Variants in XYLB observed in about 807,000 individuals in gnomAD.
The protein encoded by XYLB is xylulose kinase.
A neutral mutation model predicts 78.7 loss-of-function variants in XYLB; 62 were observed. That is an observed-to-expected ratio of 0.79 (90% CI 0.64 to 0.97). The LOEUF (loss-of-function observed/expected upper bound fraction) is 0.97. Among genes scored for constraint, XYLB ranks in the 50% least tolerant of loss-of-function variants. The pLI, the probability that XYLB is intolerant of heterozygous loss-of-function variation, is 0.00. For synonymous variants in XYLB, 245 were observed against 247.4 expected (o/e 0.99, Z 0.09); for missense variants, 687 against 676.8 (o/e 1.02, Z -0.17).
intron 9 of XYLB, 66 bp downstream of exon 9, chr3:38,370,240 GCACACACACA>G (rs3219563): frequency 4.6e-6 from 3 of 647,708 alleles, no homozygotes; most frequent in African/African-American, 1.8e-5. Flanking sequence ...GCACTGTAGC[GCACACACACA>G]CACACACACA....
At chr3:38,362,662 G>A (rs557336731) in intron 3 of XYLB, among the ~76,000 whole-genome samples, 91 of 151,132 alleles carry the variant, frequency 6.0e-4, no homozygotes, top group Non-Finnish European at 9.6e-4. Flanking sequence ...ACCCTGTCTC[G>A]AAGAAAAAAA....
chr3:38,412,801 T>C (rs1020294395), intron 18 of XYLB, 135 bp from the exon 19 acceptor site: 2 of 710,672 alleles, frequency 2.8e-6, no homozygotes, highest in African/African-American at 3.8e-5. Context: ...CTTTTGTGAA[T>C]TGATGCTTTC....
downstream of XYLB, among the ~76,000 whole-genome samples, chr3:38,425,946 G>A (rs571513346): frequency 2.6e-4 from 39 of 152,224 alleles, no homozygotes; most frequent in Admixed American, 7.8e-4. Context: ...CTATTTTAGC[G>A]GTAAGAACCC....
chr3:38,387,648 A>C (rs1183461566), intron 15 of XYLB, among the ~76,000 whole-genome samples: 1 of 152,268 alleles, frequency 6.6e-6, no homozygotes, highest in African/African-American at 2.4e-5. Flanking sequence ...CTGGGATTAC[A>C]GGCATGAGTC....
At chr3:38,384,608 C>CT (rs918668295) in intron 15 of XYLB, among the ~76,000 whole-genome samples, 1 of 152,146 alleles carries the variant, frequency 6.6e-6, no homozygotes, top group Non-Finnish European at 1.5e-5. Context: ...GAATGGATGT[C>CT]TTTTTATCAC....
At chr3:38,419,326 T>TA (rs1708898132), downstream of XYLB, among the ~76,000 whole-genome samples, 1 of 152,102 alleles carries the variant, frequency 6.6e-6, no homozygotes, top group Non-Finnish European at 1.5e-5. Context: ...AGTGGACATT[T>TA]AAGTTGTTTT....
the XYLB span, chr3:38,452,847 G>A: frequency 1.3e-5 from 2 of 152,226 alleles, no homozygotes; most frequent in Admixed American, 1.3e-4. Context: ...GAGGCTCAGA[G>A]AAGTGAAATG....
chr3:38,407,892 G>T (rs1471444894), intron 18 of XYLB, among the ~76,000 whole-genome samples: 6 of 151,114 alleles, frequency 4.0e-5, no homozygotes, highest in East Asian at 1.9e-4. Flanking sequence ...AGCAAGTCCT[G>T]AGTGACCTAC....
At chr3:38,371,699 A>C (rs1002774446) in intron 9 of XYLB, among the ~76,000 whole-genome samples, 3 of 152,136 alleles carry the variant, frequency 2.0e-5, no homozygotes, top group Non-Finnish European at 4.4e-5. Context: ...TTTTTCTTGT[A>C]TGATTCACAC....
chr3:38,369,394 G>C (rs1706427511), intron 8 of XYLB, among the ~76,000 whole-genome samples: 1 of 152,140 alleles, frequency 6.6e-6, no homozygotes, highest in Non-Finnish European at 1.5e-5. Flanking sequence ...AGAGGTTTAT[G>C]TTCCTTAGCC....
At position 38,389,021 on chromosome 3, in the gene XYLB, A is replaced by G. The variant is rs1442719476; in HGVS notation, c.1292-6484A>G. On this transcript the variant is annotated intron_variant, in intron 15 of 18. Coordinates refer to ENST00000207870, the MANE Select transcript of XYLB (RefSeq NM_005108.4). The stretch of plus-strand genomic sequence containing the variant: ...GGATTTGGCAGGGTCATAGGACAAT[A>G]GTGGAGGGAAGGTCAGCAGATAAAC... Among the ~76,000 whole-genome samples, 282 of 148,548 alleles carry G rather than the reference A, an allele frequency of 1.9e-3. 3 individuals are homozygous for G. The highest frequency in any genetic ancestry group is 6.8e-3 in the African/African-American group (273 of 40,210).
intron 9 of XYLB, chr3:38,372,358 G>C (rs1226551683): frequency 2.0e-6 from 2 of 984,338 alleles, no homozygotes; most frequent in East Asian, 1.1e-4. Context: ...TATAAAGCAA[G>C]CACAAGTTAG....
intron 8 of XYLB, 29 bp from the exon 9 acceptor site, chr3:38,370,027 G>T: frequency 6.3e-7 from 1 of 1,590,404 alleles, no homozygotes. Context: ...TTTCAAGATT[G>T]TCTGTTGTTT....
At chr3:38,380,006 C>T (rs531952277) in intron 15 of XYLB, among the ~76,000 whole-genome samples, 23 of 152,272 alleles carry the variant, frequency 1.5e-4, no homozygotes, top group African/African-American at 5.5e-4. Context: ...GAGGGCATCA[C>T]ATGGTGAGGG....
At chr3:38,377,282 G>A (rs1461483132) in intron 14 of XYLB, among the ~76,000 whole-genome samples, 2 of 151,996 alleles carry the variant, frequency 1.3e-5, no homozygotes, top group African/African-American at 4.8e-5. Flanking sequence ...TTTCCTTGGC[G>A]AGTTTTATCC....
chr3:38,450,668 T>C, the XYLB span, among the ~76,000 whole-genome samples: 4 of 152,372 alleles, frequency 2.6e-5, no homozygotes, highest in Non-Finnish European at 5.9e-5. Context: ...GAACTCGTTT[T>C]TCAAATATCC....
At chr3:38,349,226 C>A (rs1299339577) in intron 2 of XYLB, among the ~76,000 whole-genome samples, 4 of 152,182 alleles carry the variant, frequency 2.6e-5, no homozygotes, top group Non-Finnish European at 5.9e-5. Flanking sequence ...TGGTTCATTC[C>A]TTCATGCAAT....
At chr3:38,384,592 C>T (rs547143804) in intron 15 of XYLB, among the ~76,000 whole-genome samples, 3 of 152,318 alleles carry the variant, frequency 2.0e-5, no homozygotes, top group African/African-American at 7.2e-5. Flanking sequence ...TTTTAAAATA[C>T]ATAACGAATG....
the XYLB span, among the ~76,000 whole-genome samples, chr3:38,433,335 C>T: frequency 2.0e-5 from 3 of 152,242 alleles, no homozygotes; most frequent in Non-Finnish European, 2.9e-5. Flanking sequence ...GAGGGCTGCC[C>T]TGAAGTTCTC....
Sources: allele counts gnomAD v4.1 joint callset (sites outside exome capture counted in the v4.1 genomes callset), GRCh38; gene constraint gnomAD v4.1.1; transcripts MANE v1.5; gene names NCBI Gene and HGNC (gene_info 2026-07-23, HGNC 2026-07-21).